ASIC2: variants seen among roughly 807,000 people sequenced by gnomAD.
The protein encoded by ASIC2 is acid-sensing ion channel 2.
A neutral mutation model predicts 57.3 loss-of-function variants in ASIC2; 25 were observed. The ratio of observed to expected loss-of-function variants is 0.44; its 90% CI spans 0.32 to 0.61. The LOEUF (loss-of-function observed/expected upper bound fraction) is 0.61, where lower values mean the gene tolerates loss of function less well. Among genes scored for constraint, ASIC2 ranks in the 20% least tolerant of loss-of-function variants. The pLI is 0.06. For synonymous variants in ASIC2, 319 were observed against 307.5 expected (o/e 1.04, Z -0.39); for missense variants, 641 against 738.1 (o/e 0.87, Z 1.52).
At chr17:34,046,402 A>G (rs1003128427) in intron 1 of ASIC2, among the ~76,000 whole-genome samples, 1 of 152,206 alleles carries the variant, frequency 6.6e-6, no homozygotes, top group Non-Finnish European at 1.5e-5. Flanking sequence ...GGGTTGTGCA[A>G]TAGTACTTGA....
chr17:33,251,564 G>A (rs1347626527), intron 1 of ASIC2, among the ~76,000 whole-genome samples: 1 of 152,206 alleles, frequency 6.6e-6, no homozygotes, highest in Non-Finnish European at 1.5e-5. Flanking sequence ...CTGGCCTCAA[G>A]TCATCCTACC....
chr17:34,132,280 C>G lies in ASIC2; in HGVS notation c.555+23698G>C, dbSNP rs559557611. Reference sequence around the variant, plus strand: ...GGGACCTTTGTGGTGAGTGTTACAGCTCTTAAAGGTTGCGCAGACCCAAAG... The same window carrying G: ...GGGACCTTTGTGGTGAGTGTTACAGGTCTTAAAGGTTGCGCAGACCCAAAG... On this transcript the variant is annotated intron_variant, in intron 1 of 9. Coordinates refer to the ASIC2 transcript ENST00000359872. Among the ~76,000 whole-genome samples, 230 of 152,178 alleles carry G rather than the reference C, an allele frequency of 1.5e-3. 1 individual carries two copies. Among genetic ancestry groups the G allele is most frequent in the African/African-American group, 5.3e-3 (220 of 41,490 alleles).
chr17:33,849,015 G>A (rs1913689948), intron 1 of ASIC2, among the ~76,000 whole-genome samples: 2 of 152,168 alleles, frequency 1.3e-5, no homozygotes, highest in African/African-American at 2.4e-5. Flanking sequence ...GCTGATTTCT[G>A]TACTATTTCT....
At chr17:33,391,200 T>C (rs1040102115) in intron 1 of ASIC2, among the ~76,000 whole-genome samples, 2 of 152,234 alleles carry the variant, frequency 1.3e-5, no homozygotes, top group Non-Finnish European at 2.9e-5. Flanking sequence ...AAGGGGTGTA[T>C]GGCCTTCCAG....
At chr17:33,324,477 G>A (rs1173396168) in intron 1 of ASIC2, among the ~76,000 whole-genome samples, 6 of 151,942 alleles carry the variant, frequency 3.9e-5, no homozygotes, top group African/African-American at 1.5e-4. Context: ...GCAGGATACA[G>A]TATATGACAG....
At chr17:33,771,739 C>G (rs1378515562) in intron 1 of ASIC2, among the ~76,000 whole-genome samples, 1 of 152,130 alleles carries the variant, frequency 6.6e-6, no homozygotes, top group African/African-American at 2.4e-5. Flanking sequence ...TTAATTGATA[C>G]ATAATGATTG....
intron 1 of ASIC2, among the ~76,000 whole-genome samples, chr17:33,675,606 G>C (rs893313757): frequency 2.6e-5 from 4 of 152,034 alleles, no homozygotes; most frequent in African/African-American, 9.7e-5. Flanking sequence ...CAGGGTCTCT[G>C]GGTCACCCAG....
intron 1 of ASIC2, chr17:33,623,609 G>A (rs1905881968): frequency 6.6e-6 from 1 of 152,126 alleles, no homozygotes; most frequent in East Asian, 1.9e-4. Context: ...GACCCGAACA[G>A]CTATGAAGAG....
intron 1 of ASIC2, among the ~76,000 whole-genome samples, chr17:33,136,399 A>G (rs139281874): frequency 6.6e-6 from 1 of 152,356 alleles, no homozygotes; most frequent in Non-Finnish European, 1.5e-5. Context: ...TGTTATATGA[A>G]CACAGGTATG....
intron 1 of ASIC2, among the ~76,000 whole-genome samples, chr17:33,814,626 A>C (rs542342119): frequency 6.6e-6 from 1 of 152,364 alleles, no homozygotes; most frequent in East Asian, 1.9e-4. Flanking sequence ...GTGTCACTTT[A>C]GCAAATCCTA....
chr17:33,318,020 C>T (rs973881071), intron 1 of ASIC2, among the ~76,000 whole-genome samples: 4 of 151,954 alleles, frequency 2.6e-5, no homozygotes, highest in Non-Finnish European at 5.9e-5. Context: ...AGCAAAGTCA[C>T]CGTCTTTAGG....
chr17:33,110,485 G>C (rs1453049958), intron 2 of ASIC2, among the ~76,000 whole-genome samples: 1 of 152,326 alleles, frequency 6.6e-6, no homozygotes, highest in East Asian at 1.9e-4. Context: ...GATGGGGCTC[G>C]GGGTGCCCTG....
At chr17:34,070,048 TAA>T (rs1038681164) in intron 1 of ASIC2, 3 of 151,850 alleles carry the variant, frequency 2.0e-5, no homozygotes, top group African/African-American at 7.3e-5. Flanking sequence ...AACTGAACTA[TAA>T]AAAAAGATAT....
intron 1 of ASIC2, among the ~76,000 whole-genome samples, chr17:33,353,464 G>A (rs1217394896): frequency 1.3e-5 from 2 of 152,114 alleles, no homozygotes; most frequent in African/African-American, 4.8e-5. Context: ...CTCCTGAGTA[G>A]CTGAAACTAC....
At chr17:33,974,416 C>G (rs931004348) in intron 1 of ASIC2, among the ~76,000 whole-genome samples, 3 of 152,154 alleles carry the variant, frequency 2.0e-5, no homozygotes, top group Non-Finnish European at 4.4e-5. Context: ...GCCTGCCTGG[C>G]ACCCCAGCCC....
intron 1 of ASIC2, among the ~76,000 whole-genome samples, chr17:33,679,481 T>C (rs1437736854): frequency 1.3e-5 from 2 of 152,208 alleles, no homozygotes; most frequent in Non-Finnish European, 2.9e-5. Flanking sequence ...GGGCCTACCT[T>C]GTACTGGGCT....
At chr17:33,476,208 C>T (rs771367867) in intron 1 of ASIC2, among the ~76,000 whole-genome samples, 4 of 152,112 alleles carry the variant, frequency 2.6e-5, no homozygotes, top group Non-Finnish European at 4.4e-5. Context: ...GAGGGTTTCT[C>T]CTATTCTCAG....
intron 1 of ASIC2, among the ~76,000 whole-genome samples, chr17:33,413,010 G>A (rs943907833): frequency 6.6e-6 from 1 of 152,184 alleles, no homozygotes; most frequent in Admixed American, 6.5e-5. Context: ...TTCCCAATGA[G>A]GGGCTACTGT....
chr17:34,147,826 C>T (rs58023011), intron 1 of ASIC2, among the ~76,000 whole-genome samples: 2,593 of 152,204 alleles, frequency 0.017, 78 homozygotes, highest in African/African-American at 0.059. Flanking sequence ...CAGGTGGTAT[C>T]GTTTTAGTCT....
Sources: allele counts gnomAD v4.1 joint callset (sites outside exome capture counted in the v4.1 genomes callset), GRCh38; gene constraint gnomAD v4.1.1; transcripts MANE v1.5; gene names NCBI Gene and HGNC (gene_info 2026-07-23, HGNC 2026-07-21).